Variants in ARHGAP15 observed in about 807,000 individuals in gnomAD.
ARHGAP15 encodes Rho GTPase activating protein 15.
A neutral mutation model predicts 63.7 loss-of-function variants in ARHGAP15; 51 were observed. That is an observed-to-expected ratio of 0.80 (90% CI 0.64 to 1.01). The LOEUF (loss-of-function observed/expected upper bound fraction) is 1.01. Among genes scored for constraint, ARHGAP15 ranks in the 50% least tolerant of loss-of-function variants. The pLI, the probability that ARHGAP15 is intolerant of heterozygous loss-of-function variation, is 0.00. For missense variants in ARHGAP15, 560 were observed against 564.6 expected (o/e 0.99, Z 0.08); for synonymous variants, 191 against 193.8 (o/e 0.99, Z 0.12).
intron 12 of ARHGAP15, among the ~76,000 whole-genome samples, chr2:143,632,745 C>T (rs1248069570): frequency 6.6e-6 from 1 of 152,106 alleles, no homozygotes; most frequent in Non-Finnish European, 1.5e-5. Context: ...GCCTTTATTC[C>T]ATTTTGCCTT....
At chr2:143,405,524 T>A (rs1437249503) in intron 6 of ARHGAP15, among the ~76,000 whole-genome samples, 1 of 151,796 alleles carries the variant, frequency 6.6e-6, no homozygotes, top group Non-Finnish European at 1.5e-5. Flanking sequence ...ATTAGTTATA[T>A]TTTTTGTCAA....
At chr2:143,345,089 A>G (rs1414596091) in intron 6 of ARHGAP15, among the ~76,000 whole-genome samples, 2 of 152,106 alleles carry the variant, frequency 1.3e-5, no homozygotes, top group East Asian at 1.9e-4. Context: ...CACATTTTTT[A>G]ACTTTATACT....
At chr2:143,148,605 G>T (rs1689686612) in intron 1 of ARHGAP15, among the ~76,000 whole-genome samples, 1 of 152,038 alleles carries the variant, frequency 6.6e-6, no homozygotes, top group African/African-American at 2.4e-5. Context: ...GACTTTGTCA[G>T]CAAATGCAGC....
At chr2:143,640,350 A>C (rs1680545366) in intron 12 of ARHGAP15, among the ~76,000 whole-genome samples, 2 of 152,100 alleles carry the variant, frequency 1.3e-5, no homozygotes, top group African/African-American at 4.8e-5. Flanking sequence ...TGCTTAATTC[A>C]ATCCATTTTG....
At position 143,155,601 on chromosome 2, in the gene ARHGAP15, G is replaced by T. The variant is rs779177018; in HGVS notation, c.111G>T (p.Arg37Ser). 2 of 1,607,634 alleles carry T rather than the reference G, an allele frequency of 1.2e-6. No homozygotes were observed. Among genetic ancestry groups the T allele is most frequent in the East Asian group, 2.2e-5 (1 of 44,610 alleles). ...AAAATGCCAACAGCCACCATGACAG[G>T]CTCAGCCAAAGTAAATCCATGATCC... ...RIKNANSHHD[R>S]LSQSKSMILT... Residue 37 changes from arginine (R) to serine (S), a missense_variant, in exon 2 of 14, where the codon AGG becomes AGT. Physicochemically the swap from Arg to Ser is moderately radical, Grantham distance 110. Transcript: ENST00000295095.
intron 2 of ARHGAP15, among the ~76,000 whole-genome samples, chr2:143,201,161 G>C (rs1053946488): frequency 2.5e-4 from 38 of 151,586 alleles, no homozygotes; most frequent in Non-Finnish European, 5.3e-4. Flanking sequence ...CCAGGCTGGA[G>C]TGCAGTTGTG....
At chr2:143,699,788 G>C (rs1325661708) in intron 12 of ARHGAP15, among the ~76,000 whole-genome samples, 3 of 152,194 alleles carry the variant, frequency 2.0e-5, no homozygotes, top group African/African-American at 4.8e-5. Context: ...AAAGAGGTGA[G>C]AGGGGTGCAG....
chr2:143,758,793 A>G (rs1354627934), intron 13 of ARHGAP15, among the ~76,000 whole-genome samples: 2 of 152,174 alleles, frequency 1.3e-5, no homozygotes, highest in Non-Finnish European at 2.9e-5. Context: ...GTGGTTCCCA[A>G]CCAGACCAGC....
intron 1 of ARHGAP15, among the ~76,000 whole-genome samples, chr2:143,142,288 C>T (rs1186961614): frequency 6.6e-6 from 1 of 152,004 alleles, no homozygotes; most frequent in Non-Finnish European, 1.5e-5. Context: ...TGGAGTCCTC[C>T]AAATAACTTC....
At chr2:143,663,964 G>A (rs1681995390) in intron 12 of ARHGAP15, among the ~76,000 whole-genome samples, 1 of 151,872 alleles carries the variant, frequency 6.6e-6, no homozygotes, top group African/African-American at 2.4e-5. Context: ...TTAATAATGG[G>A]AGACTTTAAC....
chr2:143,731,628 C>A (rs746906423), intron 13 of ARHGAP15, among the ~76,000 whole-genome samples: 3 of 152,190 alleles, frequency 2.0e-5, no homozygotes, highest in Non-Finnish European at 4.4e-5. Flanking sequence ...GTCCTAACTG[C>A]AGAGACTTTT....
At chr2:143,551,358 T>C (rs1207669717) in intron 10 of ARHGAP15, among the ~76,000 whole-genome samples, 2 of 152,048 alleles carry the variant, frequency 1.3e-5, no homozygotes, top group Non-Finnish European at 2.9e-5. Context: ...TTTCACTATG[T>C]TGCCCAGGCT....
At chr2:143,480,490 A>G (rs1040591637) in intron 8 of ARHGAP15, among the ~76,000 whole-genome samples, 2 of 152,166 alleles carry the variant, frequency 1.3e-5, no homozygotes, top group Admixed American at 1.3e-4. Flanking sequence ...GTATTTCCAC[A>G]ATGTCTAAGT....
chr2:143,505,388 T>C (rs764894439), intron 9 of ARHGAP15, among the ~76,000 whole-genome samples: 2 of 152,166 alleles, frequency 1.3e-5, no homozygotes, highest in Admixed American at 6.6e-5. Context: ...TTCAGTTTGG[T>C]GGGCAACTTT....
At chr2:143,715,093 A>G (rs1684749437) in intron 13 of ARHGAP15, among the ~76,000 whole-genome samples, 1 of 152,154 alleles carries the variant, frequency 6.6e-6, no homozygotes, top group Non-Finnish European at 1.5e-5. Context: ...AAAAAAAAAG[A>G]GGTTTAATTG....
chr2:143,144,854 C>A (rs1410126151), intron 1 of ARHGAP15, among the ~76,000 whole-genome samples: 2 of 151,978 alleles, frequency 1.3e-5, no homozygotes, highest in Non-Finnish European at 2.9e-5. Flanking sequence ...AATAAGAAGA[C>A]ACCATAGTAA....
intron 5 of ARHGAP15, among the ~76,000 whole-genome samples, chr2:143,229,363 T>C (rs1015843768): frequency 6.6e-6 from 1 of 152,222 alleles, no homozygotes; most frequent in Non-Finnish European, 1.5e-5. Flanking sequence ...TTCTGTATCC[T>C]GTAGTTATTA....
chr2:143,346,775 G>T (rs984853581), intron 6 of ARHGAP15, among the ~76,000 whole-genome samples: 1 of 151,890 alleles, frequency 6.6e-6, no homozygotes, highest in African/African-American at 2.4e-5. Context: ...TCATTTTTTT[G>T]ATATAACCCT....
chr2:143,403,925 AT>A (rs34799259), intron 6 of ARHGAP15, among the ~76,000 whole-genome samples: 88,848 of 149,322 alleles, frequency 0.6, 26,611 homozygotes, highest in Admixed American at 0.71. Context: ...CCAGGATGTA[AT>A]TTTTTTTTTT....
Sources: gnomAD v4.1 joint callset for allele counts (sites outside exome capture counted in the v4.1 genomes callset) on GRCh38, gnomAD v4.1.1 for gene constraint, MANE v1.5 for transcripts, NCBI Gene and HGNC (gene_info 2026-07-23, HGNC 2026-07-21) for gene names.